Variants in ERBB4 observed in about 807,000 individuals in gnomAD.
ERBB4 encodes the protein receptor tyrosine-protein kinase erbB-4.
A neutral mutation model predicts 158.0 loss-of-function variants in ERBB4; 42 were observed. The observed-to-expected ratio is 0.27, with a 90% CI of 0.21 to 0.34. The LOEUF is 0.34. Ranked by LOEUF, ERBB4 falls within the 10% of genes least tolerant of loss-of-function variation. The pLI is 1.00. For missense variants in ERBB4, 1,333 were observed against 1,624.1 expected, an observed-to-expected ratio of 0.82 and a Z score of 3.08; for synonymous variants, 583 against 558.7, an observed-to-expected ratio of 1.04 and a Z score of -0.61.
chr2:211,848,908 C>G (rs1463191735), intron 3 of ERBB4, among the ~76,000 whole-genome samples: 2 of 152,068 alleles, frequency 1.3e-5, no homozygotes, highest in East Asian at 3.9e-4. Context: ...ACTCCTTATT[C>G]TTCATGGTAC....
At chr2:211,725,436 C>A (rs2074235411) in intron 5 of ERBB4, among the ~76,000 whole-genome samples, 1 of 152,072 alleles carries the variant, frequency 6.6e-6, no homozygotes, top group South Asian at 2.1e-4. Context: ...GACGATCATA[C>A]AACTTAACAA....
chr2:211,971,883 C>T (rs547236164), intron 2 of ERBB4, among the ~76,000 whole-genome samples: 1 of 152,174 alleles, frequency 6.6e-6, no homozygotes, highest in Non-Finnish European at 1.5e-5. Flanking sequence ...CCCTCTCTCA[C>T]TCCTCCTATT....
At chr2:211,610,116 G>T (rs2069137305) in intron 19 of ERBB4, among the ~76,000 whole-genome samples, 1 of 151,886 alleles carries the variant, frequency 6.6e-6, no homozygotes, top group Admixed American at 6.6e-5. Context: ...AAAAAAAGAT[G>T]AAGAGAATTT....
rs144640487 is a variant in ERBB4, at chr2:212,323,905, T to C, written c.83-199002A>G. On this transcript the variant is annotated intron_variant, in intron 1 of 27. Transcript: ENST00000342788. Reference sequence around the variant, plus strand: ...ACTGACGTGTTGAAGAACTACATCATGGTAGAAGTCACTGGTTGCCCAGTC... The same window carrying C: ...ACTGACGTGTTGAAGAACTACATCACGGTAGAAGTCACTGGTTGCCCAGTC... Among the ~76,000 whole-genome samples the C allele has an allele frequency of 5.4e-3, 820 of 150,672 alleles. 12 individuals carry two copies. Among genetic ancestry groups the C allele is most frequent in the African/African-American group, 0.017 (722 of 41,366 alleles).
At chr2:211,583,236 C>T (rs1276641347) in intron 19 of ERBB4, among the ~76,000 whole-genome samples, 1 of 151,886 alleles carries the variant, frequency 6.6e-6, no homozygotes, top group Non-Finnish European at 1.5e-5. Context: ...CAGCCATATT[C>T]TAAAAATAAT....
intron 1 of ERBB4, among the ~76,000 whole-genome samples, chr2:212,514,490 C>T (rs1260600491): frequency 3.3e-5 from 5 of 152,140 alleles, no homozygotes; most frequent in Admixed American, 6.5e-5. Flanking sequence ...CATACATCAA[C>T]TCTAGTAATG....
chr2:211,933,795 G>A (rs964414949), intron 3 of ERBB4, among the ~76,000 whole-genome samples: 3 of 151,816 alleles, frequency 2.0e-5, no homozygotes, highest in South Asian at 4.1e-4. Flanking sequence ...TCTTAATATC[G>A]CATCTACGAT....
intron 2 of ERBB4, among the ~76,000 whole-genome samples, chr2:212,029,367 C>T (rs1160323244): frequency 6.6e-6 from 1 of 152,032 alleles, no homozygotes; most frequent in Non-Finnish European, 1.5e-5. Flanking sequence ...CTAAGCTCCA[C>T]TTTGGGGCTT....
chr2:212,446,015 C>A (rs967743048), intron 1 of ERBB4, among the ~76,000 whole-genome samples: 1 of 152,146 alleles, frequency 6.6e-6, no homozygotes, highest in Non-Finnish European at 1.5e-5. Flanking sequence ...TTATTGACTT[C>A]GTATCAGCAT....
intron 3 of ERBB4, among the ~76,000 whole-genome samples, chr2:211,858,280 G>C (rs977275299): frequency 2.6e-5 from 4 of 152,130 alleles, no homozygotes; most frequent in Admixed American, 6.5e-5. Flanking sequence ...AAAGCAATGA[G>C]CTGATTGGAA....
intron 12 of ERBB4, among the ~76,000 whole-genome samples, chr2:211,686,215 T>C (rs1021287137): frequency 2.6e-5 from 4 of 152,184 alleles, no homozygotes; most frequent in Non-Finnish European, 4.4e-5. Context: ...CTTTTCACCA[T>C]TAAGCATAAT....
intron 3 of ERBB4, among the ~76,000 whole-genome samples, chr2:211,848,382 T>C (rs2077639834): frequency 6.6e-6 from 1 of 152,054 alleles, no homozygotes; most frequent in Non-Finnish European, 1.5e-5. Flanking sequence ...ATATGGAAAT[T>C]GCAATTGAAC....
intron 20 of ERBB4, among the ~76,000 whole-genome samples, chr2:211,529,677 G>T (rs967722173): frequency 6.6e-6 from 1 of 152,064 alleles, no homozygotes; most frequent in Non-Finnish European, 1.5e-5. Context: ...TCTTAAGGAC[G>T]CAAGAATGGT....
intron 12 of ERBB4, among the ~76,000 whole-genome samples, chr2:211,700,767 TG>T (rs2073204982): frequency 3.3e-5 from 5 of 152,104 alleles, no homozygotes; most frequent in Admixed American, 3.3e-4. Flanking sequence ...ATTATTTATG[TG>T]TACCCTGGAG....
At chr2:211,829,438 T>A (rs555668006) in intron 3 of ERBB4, among the ~76,000 whole-genome samples, 1 of 152,152 alleles carries the variant, frequency 6.6e-6, no homozygotes, top group Non-Finnish European at 1.5e-5. Flanking sequence ...TACCGTTAAG[T>A]ATCTCATTGT....
chr2:211,520,575 A>C (rs1316385613), intron 20 of ERBB4, among the ~76,000 whole-genome samples: 1 of 152,116 alleles, frequency 6.6e-6, no homozygotes, highest in Non-Finnish European at 1.5e-5. Context: ...CACAAACCCT[A>C]CAGTATTTAT....
chr2:211,973,682 G>A (rs746195849), intron 2 of ERBB4, among the ~76,000 whole-genome samples: 11 of 152,082 alleles, frequency 7.2e-5, no homozygotes, highest in East Asian at 1.9e-4. Context: ...GCAATTCCTC[G>A]AAGACCTAAA....
chr2:212,349,562 C>T (rs1231206778), intron 1 of ERBB4, among the ~76,000 whole-genome samples: 2 of 152,036 alleles, frequency 1.3e-5, no homozygotes, highest in African/African-American at 4.8e-5. Flanking sequence ...TTGATATTGA[C>T]CTAGATGGGA....
intron 20 of ERBB4, among the ~76,000 whole-genome samples, chr2:211,469,019 G>T (rs978077063): frequency 5.9e-5 from 9 of 151,962 alleles, no homozygotes. Context: ...CCCTCTGGAG[G>T]GCCTGAGCTG....
Sources: allele counts gnomAD v4.1 joint callset (sites outside exome capture counted in the v4.1 genomes callset), GRCh38; gene constraint gnomAD v4.1.1; transcripts MANE v1.5; gene names NCBI Gene and HGNC (gene_info 2026-07-23, HGNC 2026-07-21).